Variants in LNX1 observed in about 807,000 individuals in gnomAD.
LNX1 encodes E3 ubiquitin-protein ligase LNX.
A neutral mutation model predicts 68.4 loss-of-function variants in LNX1; 54 were observed. That is an observed-to-expected ratio of 0.79 (90% CI 0.63 to 0.99). The LOEUF is 0.99. LNX1 is among the 50% of genes least tolerant of loss of function. The pLI is 0.00. For synonymous variants in LNX1, 336 were observed against 350.0 expected, an observed-to-expected ratio of 0.96 and a Z score of 0.45; for missense variants, 906 against 926.4, an observed-to-expected ratio of 0.98 and a Z score of 0.29.
At chr4:53,494,219 T>C (rs1724898632) in intron 6 of LNX1, among the ~76,000 whole-genome samples, 1 of 152,096 alleles carries the variant, frequency 6.6e-6, no homozygotes, top group Non-Finnish European at 1.5e-5. Context: ...GATCCAATGG[T>C]TTTATAAAGG....
At chr4:53,547,044 C>A (rs1314543980) in intron 2 of LNX1, among the ~76,000 whole-genome samples, 1 of 152,182 alleles carries the variant, frequency 6.6e-6, no homozygotes, top group Admixed American at 6.5e-5. Flanking sequence ...TACAGCAACT[C>A]CAGTTTCTTG....
At chr4:53,534,148 C>T (rs1728207191) in intron 2 of LNX1, among the ~76,000 whole-genome samples, 1 of 152,198 alleles carries the variant, frequency 6.6e-6, no homozygotes, top group South Asian at 2.1e-4. Context: ...CCAGTTACCC[C>T]ATGGAGAAGG....
At chr4:53,593,688 T>G (rs1244106815), upstream of LNX1, among the ~76,000 whole-genome samples, 2 of 152,092 alleles carry the variant, frequency 1.3e-5, no homozygotes, top group Non-Finnish European at 2.9e-5. Flanking sequence ...TTTGGGCCAT[T>G]AGGGCTGTTA....
chr4:53,605,812 C>G (rs532200635), intron 2 of LNX1, among the ~76,000 whole-genome samples: 2 of 152,248 alleles, frequency 1.3e-5, no homozygotes, highest in Admixed American at 6.5e-5. Flanking sequence ...ATCTCTTTAT[C>G]CATCATCTAT....
chr4:53,476,108 G>A (rs1187452587), intron 9 of LNX1, among the ~76,000 whole-genome samples: 2 of 152,012 alleles, frequency 1.3e-5, no homozygotes, highest in Non-Finnish European at 2.9e-5. Context: ...ACCAGCCTGG[G>A]CAACATGGTG....
intron 2 of LNX1, among the ~76,000 whole-genome samples, chr4:53,533,259 C>T (rs1423912885): frequency 6.6e-6 from 1 of 152,156 alleles, no homozygotes; most frequent in East Asian, 1.9e-4. Flanking sequence ...TCCAATAGAA[C>T]ATACAAAGGA....
At position 53,639,026 on chromosome 4, in the gene LNX1, C is replaced by T. The variant is rs114187185; in HGVS notation, c.-215+13142G>A. ...AACAAACTGTTCTACCAAAAAGACA[C>T]ATACTTGCATGTTCACTGCTGCACT... On this transcript the variant is annotated intron_variant, in intron 1 of 2. Coordinates refer to the LNX1 transcript ENST00000507168. Among the ~76,000 whole-genome samples, 1,084 of 152,300 alleles carry T rather than the reference C, an allele frequency of 7.1e-3. 12 individuals are homozygous for T. The highest frequency in any genetic ancestry group is 0.024 in the African/African-American group (1,017 of 41,570).
intron 2 of LNX1, among the ~76,000 whole-genome samples, chr4:53,540,170 T>C (rs1283868235): frequency 6.6e-6 from 1 of 152,010 alleles, no homozygotes; most frequent in East Asian, 1.9e-4. Context: ...TTGCTTGAGC[T>C]CAGGAGTTTG....
At chr4:53,483,940 A>T (rs971826432) in intron 6 of LNX1, among the ~76,000 whole-genome samples, 1 of 152,210 alleles carries the variant, frequency 6.6e-6, no homozygotes, top group Non-Finnish European at 1.5e-5. Flanking sequence ...ACACGGCAGC[A>T]TTTGGAGGTA....
At chr4:53,535,470 C>A (rs1190220623) in intron 2 of LNX1, among the ~76,000 whole-genome samples, 1 of 152,172 alleles carries the variant, frequency 6.6e-6, no homozygotes, top group African/African-American at 2.4e-5. Flanking sequence ...ACAAATCAAT[C>A]TAACAAAACA....
chr4:53,585,972 A>C (rs1386286514), intron 1 of LNX1, among the ~76,000 whole-genome samples: 3 of 152,214 alleles, frequency 2.0e-5, no homozygotes, highest in Non-Finnish European at 4.4e-5. Flanking sequence ...TATAGGGCTT[A>C]GAAATAGGGA....
intron 2 of LNX1, among the ~76,000 whole-genome samples, chr4:53,552,124 G>A (rs1243004777): frequency 1.3e-5 from 2 of 152,170 alleles, no homozygotes; most frequent in African/African-American, 2.4e-5. Context: ...TGGAAAGAGC[G>A]CATCATTTCC....
chr4:53,576,390 C>T (rs1731491853), intron 1 of LNX1: 5 of 1,561,272 alleles, frequency 3.2e-6, no homozygotes, highest in Non-Finnish European at 4.3e-6. Flanking sequence ...AGGACTGACC[C>T]CTCACATGAC....
intron 1 of LNX1, among the ~76,000 whole-genome samples, chr4:53,651,171 A>T (rs1735082423): frequency 6.6e-6 from 1 of 152,172 alleles, no homozygotes; most frequent in African/African-American, 2.4e-5. Context: ...GACTTGGTGT[A>T]AGCAAATGTT....
At chr4:53,632,212 A>C (rs1438438770) in intron 1 of LNX1, among the ~76,000 whole-genome samples, 12 of 152,130 alleles carry the variant, frequency 7.9e-5, no homozygotes, top group Admixed American at 7.9e-4. Flanking sequence ...TGACATCAGC[A>C]CTTAGAGTGG....
upstream of LNX1, among the ~76,000 whole-genome samples, chr4:53,621,941 C>T (rs1560697120): frequency 6.6e-6 from 1 of 152,138 alleles, no homozygotes; most frequent in East Asian, 1.9e-4. Context: ...GTCTCCCCCA[C>T]TACCCACCCC....
chr4:53,619,390 G>A (rs370672561), upstream of LNX1, among the ~76,000 whole-genome samples: 8 of 152,128 alleles, frequency 5.3e-5, no homozygotes, highest in African/African-American at 1.9e-4. Context: ...TCACTAACCT[G>A]ATTTCTGTTT....
At chr4:53,643,871 T>G (rs886137401) in intron 1 of LNX1, among the ~76,000 whole-genome samples, 8 of 152,160 alleles carry the variant, frequency 5.3e-5, no homozygotes, top group Non-Finnish European at 4.4e-5. Context: ...ATGGGAAGAA[T>G]TCAGTAAGTG....
intron 1 of LNX1, among the ~76,000 whole-genome samples, chr4:53,634,909 C>T (rs1734412420): frequency 6.6e-6 from 1 of 151,756 alleles, no homozygotes; most frequent in Non-Finnish European, 1.5e-5. Context: ...GGGATCGTAG[C>T]TCACTGCATG....
Sources: gnomAD v4.1 joint callset for allele counts (sites outside exome capture counted in the v4.1 genomes callset) on GRCh38, gnomAD v4.1.1 for gene constraint, MANE v1.5 for transcripts, NCBI Gene and HGNC (gene_info 2026-07-23, HGNC 2026-07-21) for gene names.